GK: variants seen among roughly 807,000 people sequenced by gnomAD.
The protein encoded by GK is ATP:glycerol 3-phosphotransferase.
GK carries 9 observed loss-of-function variants against 56.4 expected under a neutral mutation model. That is an observed-to-expected ratio of 0.16 (90% CI 0.10 to 0.28). The LOEUF (loss-of-function observed/expected upper bound fraction) is 0.28. Ranked by LOEUF, GK falls within the 10% of genes least tolerant of loss-of-function variation. The pLI is 1.00. For synonymous variants in GK, 104 were observed against 144.1 expected, an observed-to-expected ratio of 0.72 and a Z score of 1.99; for missense variants, 161 against 431.4, an observed-to-expected ratio of 0.37 and a Z score of 5.55.
At chrX:30,658,903 T>C (rs751663858) in intron 1 of GK, among the ~76,000 whole-genome samples, 27 of 112,955 alleles carry the variant, frequency 2.4e-4, no homozygotes, top group African/African-American at 8.3e-4. Context: ...CTCAAGTGTG[T>C]TGACTGGAAC....
intron 1 of GK, among the ~76,000 whole-genome samples, chrX:30,656,216 C>T (rs756955162): frequency 9.8e-4 from 109 of 111,770 alleles, no homozygotes; most frequent in African/African-American, 3.2e-3. Flanking sequence ...AGATGATTCC[C>T]GGGAGTTATT....
Position 30,704,128 on chromosome X carries a change from T to TTATATATATATATATATATATATATA in GK, c.851+3244_851+3245insATATATATATATATATATATATATAT, listed in dbSNP as rs752736589. Reference sequence around the variant, plus strand: ...CAGAAAAACAATGCAGTTATTCATTTTATATATATATATATATATATGAGA... The same window carrying TTATATATATATATATATATATATATA: ...CAGAAAAACAATGCAGTTATTCATTTTATATATATATATATATATATATATATATATATATATATATATATATGAGA... On this transcript the variant is annotated intron_variant, in intron 11 of 20. Coordinates refer to ENST00000427190, the MANE Select transcript of GK (RefSeq NM_001205019.2). Among the ~76,000 whole-genome samples, 147 of 74,855 alleles carry TTATATATATATATATATATATATATA rather than the reference T, an allele frequency of 2.0e-3. 9 individuals are homozygous for TTATATATATATATATATATATATATA. The highest frequency in any genetic ancestry group is 8.0e-3 in the African/African-American group (112 of 14,048). The allele number at this position is 74,855 out of a possible 115,157, so 65.0% of individuals were successfully genotyped here.
chrX:30,666,851 T>TAA (rs1933108918), intron 2 of GK, among the ~76,000 whole-genome samples: 1 of 111,386 alleles, frequency 9.0e-6, no homozygotes, highest in Non-Finnish European at 1.9e-5. Flanking sequence ...GGAGACTGGG[T>TAA]TTTTAAAAAT....
chrX:30,719,800 T>A lies in GK; in HGVS notation c.1152-211T>A, dbSNP rs780706698. Among the ~76,000 whole-genome samples the A allele has an allele frequency of 1.4e-4, 16 of 112,188 alleles. No homozygotes were observed. In the South Asian group the frequency reaches 5.9e-3, roughly 41 times the overall value. On this transcript the variant is annotated intron_variant, in intron 15 of 20. Coordinates refer to ENST00000427190, the MANE Select transcript of GK (RefSeq NM_001205019.2). ...AATGAATACTGATTCAGTTTTATGATGCCATCATCTTTTCAAATGTGTCAT... is the reference window on the plus strand; with the variant it reads ...AATGAATACTGATTCAGTTTTATGAAGCCATCATCTTTTCAAATGTGTCAT...
intron 4 of GK, among the ~76,000 whole-genome samples, chrX:30,683,354 C>G (rs1934393898): frequency 9.0e-6 from 1 of 111,146 alleles, no homozygotes; most frequent in Non-Finnish European, 1.9e-5. Context: ...CCATACCCGG[C>G]CAGATGAGCA....
chrX:30,706,472 C>A (rs1206689475), intron 11 of GK, among the ~76,000 whole-genome samples: 2 of 111,510 alleles, frequency 1.8e-5, no homozygotes, highest in Non-Finnish European at 3.8e-5. Context: ...AGCAGCAAGG[C>A]CCACGGGGAA....
intron 3 of GK, chrX:30,672,126 T>TGGGCAACATG (rs1933554788): frequency 1.4e-5 from 1 of 73,463 alleles, no homozygotes; most frequent in Non-Finnish European, 2.3e-5. Flanking sequence ...GCCATTGTAC[T>TGGGCAACATG]CCAGCCTGGG....
rs752736589 is a variant in GK at position 30,704,128 on chromosome X, TTA to T, written c.851+3243_851+3244del. Among the ~76,000 whole-genome samples, 28 of 74,881 alleles carry T rather than the reference TTA, an allele frequency of 3.7e-4. 1 individual carries two copies. The highest frequency in any genetic ancestry group is 1.1e-3 in the African/African-American group (15 of 14,085). 65.0% of individuals were successfully genotyped at this position (74,881 alleles called of 115,157 possible). A position where few individuals can be genotyped will look rare whatever the true frequency, so the allele number is the denominator to read the frequency against. ...CAGAAAAACAATGCAGTTATTCATT[TTA>T]TATATATATATATATATATGAGATA... On this transcript the variant is annotated intron_variant, in intron 11 of 20. Coordinates refer to ENST00000427190, the MANE Select transcript of GK (RefSeq NM_001205019.2).
intron 4 of GK, among the ~76,000 whole-genome samples, chrX:30,681,548 A>G (rs1934277774): frequency 8.9e-6 from 1 of 112,383 alleles, no homozygotes; most frequent in South Asian, 3.7e-4. Flanking sequence ...CAGAAATAAC[A>G]TTAGACAGAT....
intron 11 of GK, among the ~76,000 whole-genome samples, chrX:30,703,589 C>G (rs1209717154): frequency 8.9e-6 from 1 of 111,997 alleles, no homozygotes. Context: ...GGAAGAATTT[C>G]TGTTCAGAGC....
At chrX:30,712,455 A>G (rs1426486841) in intron 13 of GK, among the ~76,000 whole-genome samples, 1 of 110,741 alleles carries the variant, frequency 9.0e-6, no homozygotes, top group Non-Finnish European at 1.9e-5. Context: ...TCTAGTCTAG[A>G]GTTTACCCCA....
chrX:30,715,604 A>G (rs188787742), intron 13 of GK, among the ~76,000 whole-genome samples: 77 of 111,896 alleles, frequency 6.9e-4, no homozygotes, highest in African/African-American at 2.4e-3. Context: ...ACAAGTAGAC[A>G]GTCACCTTCT....
chrX:30,683,988 C>A (rs1375905438), intron 4 of GK, among the ~76,000 whole-genome samples: 1 of 111,851 alleles, frequency 8.9e-6, no homozygotes, highest in Non-Finnish European at 1.9e-5. Flanking sequence ...ACGGGGTTTC[C>A]TCTACCCACC....
At chrX:30,706,571 G>A (rs1173724886) in intron 11 of GK, among the ~76,000 whole-genome samples, 1 of 112,043 alleles carries the variant, frequency 8.9e-6, no homozygotes. Context: ...ACCCTTACTG[G>A]TATCACTTTG....
Position 30,724,671 on chromosome X carries a change from TA to T in GK, c.1582+493del, listed in dbSNP as rs1351799782. On this transcript the variant is annotated intron_variant, in intron 19 of 20. Transcript: ENST00000427190. Reference sequence around the variant, plus strand: ...AGAGAAAGAAATATACCAAACATAGTAAATTCGAACTCTTATAAATAGATTG... The same window carrying T: ...AGAGAAAGAAATATACCAAACATAGTAATTCGAACTCTTATAAATAGATTG... The T allele has an allele frequency of 1.0e-5, 3 of 301,211 alleles. No individual in the cohort carries two copies. The East Asian group carries it at 3.2e-4, about 32-fold the overall frequency. 24.8% of individuals were successfully genotyped at this position (301,211 alleles called of 1,213,427 possible). A position where few individuals can be genotyped will look rare whatever the true frequency, so the allele number is the denominator to read the frequency against.
intron 2 of GK, among the ~76,000 whole-genome samples, chrX:30,666,739 A>G (rs1933104024): frequency 8.9e-6 from 1 of 112,519 alleles, no homozygotes; most frequent in Non-Finnish European, 1.9e-5. Flanking sequence ...AGTTATTGAT[A>G]TGTTAGAGGC....
chrX:30,701,439 T>G (rs904070306), intron 11 of GK, among the ~76,000 whole-genome samples: 5 of 112,243 alleles, frequency 4.5e-5, no homozygotes, highest in Non-Finnish European at 7.5e-5. Context: ...AAACCTTAAT[T>G]TGTAAAATTC....
intron 3 of GK, among the ~76,000 whole-genome samples, chrX:30,676,139 A>G (rs1933887807): frequency 9.0e-6 from 1 of 110,513 alleles, no homozygotes; most frequent in Non-Finnish European, 1.9e-5. Flanking sequence ...GTTTTGCTAC[A>G]TTGCCGAGGG....
rs866221384 is a variant in GK, at chrX:30,653,758, T to G, written c.78+143T>G. 76 of 564,863 alleles carry G rather than the reference T, an allele frequency of 1.3e-4. 2 individuals are homozygous for G. In the Middle Eastern group the frequency reaches 0.011, roughly 82 times the overall value. 46.6% of individuals were successfully genotyped at this position (564,863 alleles called of 1,213,427 possible). On this transcript the variant is annotated intron_variant, in intron 1 of 20. Transcript: ENST00000427190. ...CAAGGAGGGAGGCCGGAACGGGACC[T>G]GCCACACTGGGGATGCCCCAGCCAG...
Sources: gnomAD v4.1 joint callset for allele counts (sites outside exome capture counted in the v4.1 genomes callset) on GRCh38, gnomAD v4.1.1 for gene constraint, MANE v1.5 for transcripts, NCBI Gene and HGNC (gene_info 2026-07-23, HGNC 2026-07-21) for gene names.